The following GULP1 variants were observed in gnomAD, a reference collection of about 807,000 sequenced individuals.
GULP1 encodes the protein GULP PTB domain containing engulfment adaptor 1.
GULP1 carries 19 observed loss-of-function variants against 40.9 expected under a neutral mutation model. The ratio of observed to expected loss-of-function variants is 0.46; its 90% CI spans 0.32 to 0.68. The LOEUF is 0.68. Ranked by LOEUF, GULP1 falls within the 30% of genes least tolerant of loss-of-function variation. The pLI is 0.03. For synonymous variants in GULP1, 119 were observed against 117.6 expected, an observed-to-expected ratio of 1.01 and a Z score of -0.08; for missense variants, 312 against 362.2, an observed-to-expected ratio of 0.86 and a Z score of 1.12.
intron 2 of GULP1, among the ~76,000 whole-genome samples, chr2:188,463,570 C>G (rs371082317): frequency 5.9e-5 from 9 of 152,100 alleles, no homozygotes; most frequent in Non-Finnish European, 1.2e-4. Flanking sequence ...TTAGGAAGTT[C>G]GCTGTTATTA....
At chr2:188,569,854 T>G (rs549499365) in intron 8 of GULP1, among the ~76,000 whole-genome samples, 174 bp from the exon 9 acceptor site, 1 of 152,306 alleles carries the variant, frequency 6.6e-6, no homozygotes, top group East Asian at 1.9e-4. Flanking sequence ...AATTTAAGTC[T>G]TTCAATGATC....
chr2:188,301,212 C>T (rs2036076842), intron 1 of GULP1, among the ~76,000 whole-genome samples: 1 of 152,072 alleles, frequency 6.6e-6, no homozygotes, highest in Admixed American at 6.6e-5. Context: ...CTTCTAGAGA[C>T]AGGTTCTCAC....
chr2:188,342,937 A>G (rs765117051), intron 1 of GULP1, among the ~76,000 whole-genome samples: 2 of 152,196 alleles, frequency 1.3e-5, no homozygotes, highest in African/African-American at 2.4e-5. Flanking sequence ...TTTCAGTCCT[A>G]AAACAGTTAC....
chr2:188,377,597 A>C (rs980356578), intron 1 of GULP1, among the ~76,000 whole-genome samples: 2 of 152,190 alleles, frequency 1.3e-5, no homozygotes, highest in East Asian at 3.9e-4. Context: ...TTATCACTTC[A>C]TTGGCTCAGA....
intron 9 of GULP1, among the ~76,000 whole-genome samples, chr2:188,572,279 CATT>C (rs1458006807): frequency 6.6e-6 from 1 of 152,084 alleles, no homozygotes; most frequent in East Asian, 1.9e-4. Flanking sequence ...TAGCAATTCT[CATT>C]AGTAGAGCCA....
chr2:188,500,654 T>C (rs2063343978), intron 4 of GULP1, among the ~76,000 whole-genome samples: 1 of 151,948 alleles, frequency 6.6e-6, no homozygotes. Flanking sequence ...TAAGCTGTTC[T>C]TGAACATGTT....
At chr2:188,423,747 A>G (rs2055776195) in intron 2 of GULP1, among the ~76,000 whole-genome samples, 1 of 151,892 alleles carries the variant, frequency 6.6e-6, no homozygotes. Flanking sequence ...ATAAATGTTC[A>G]TGATTAGTTA....
intron 11 of GULP1, chr2:188,592,005 A>C: frequency 6.6e-6 from 1 of 151,958 alleles, no homozygotes; most frequent in Admixed American, 6.6e-5. Context: ...CTGAGGAAGA[A>C]AGAAAATCAA....
chr2:188,415,756 C>CA (rs1404208344), intron 2 of GULP1, among the ~76,000 whole-genome samples: 2 of 152,218 alleles, frequency 1.3e-5, no homozygotes, highest in Non-Finnish European at 2.9e-5. Context: ...CCTGAAAACA[C>CA]ATACTAATTG....
chr2:188,426,370 G>A (rs190695628), intron 2 of GULP1, among the ~76,000 whole-genome samples: 210 of 152,238 alleles, frequency 1.4e-3, no homozygotes, highest in African/African-American at 4.8e-3. Flanking sequence ...AGGCTTCAGA[G>A]AGAATAGATG....
intron 1 of GULP1, among the ~76,000 whole-genome samples, chr2:188,309,109 A>T (rs1266805982): frequency 6.6e-6 from 1 of 152,130 alleles, no homozygotes; most frequent in Non-Finnish European, 1.5e-5. Flanking sequence ...GTTTGAATCC[A>T]ATGGCATTTT....
intron 2 of GULP1, among the ~76,000 whole-genome samples, chr2:188,398,919 G>T (rs998477402): frequency 1.3e-5 from 2 of 152,166 alleles, no homozygotes; most frequent in African/African-American, 4.8e-5. Context: ...TGAAAAAATG[G>T]AAGTGGCTAT....
intron 7 of GULP1, chr2:188,541,734 C>A: frequency 4.0e-6 from 1 of 251,206 alleles, no homozygotes; most frequent in Non-Finnish European, 7.5e-6. Context: ...AATAAATATT[C>A]TTAACTCCAG....
intron 4 of GULP1, among the ~76,000 whole-genome samples, chr2:188,513,498 G>A (rs1037557717): frequency 2.6e-5 from 4 of 152,002 alleles, no homozygotes; most frequent in Non-Finnish European, 4.4e-5. Flanking sequence ...GTCATTGGCC[G>A]ATCACTTTTA....
At chr2:188,572,176 G>A (rs1013054233) in intron 9 of GULP1, among the ~76,000 whole-genome samples, 3 of 152,142 alleles carry the variant, frequency 2.0e-5, no homozygotes, top group Non-Finnish European at 4.4e-5. Context: ...CAGTGTCTTT[G>A]ACCATTTGGC....
intron 1 of GULP1, among the ~76,000 whole-genome samples, chr2:188,331,102 C>G (rs566817593): frequency 2.6e-5 from 4 of 152,324 alleles, no homozygotes; most frequent in African/African-American, 9.6e-5. Context: ...TCACAACCAT[C>G]TTCCCAGGTA....
intron 7 of GULP1, among the ~76,000 whole-genome samples, chr2:188,555,969 A>T (rs1472997798): frequency 6.6e-6 from 1 of 151,950 alleles, no homozygotes; most frequent in Admixed American, 6.6e-5. Flanking sequence ...GAGGCAGAAG[A>T]ATTGCTTGAA....
intron 2 of GULP1, among the ~76,000 whole-genome samples, chr2:188,475,424 A>G (rs1178691722): frequency 1.3e-5 from 2 of 151,906 alleles, no homozygotes; most frequent in Non-Finnish European, 2.9e-5. Context: ...TGTTCCATTT[A>G]TATGCCCCCA....
chr2:188,448,739 T>C (rs2058600845), intron 2 of GULP1, among the ~76,000 whole-genome samples: 2 of 152,194 alleles, frequency 1.3e-5, no homozygotes, highest in Non-Finnish European at 1.5e-5. Flanking sequence ...GAGGCCTGAG[T>C]TCTCATGAGA....
Sources: allele counts gnomAD v4.1 joint callset (sites outside exome capture counted in the v4.1 genomes callset), GRCh38; gene constraint gnomAD v4.1.1; transcripts MANE v1.5; gene names NCBI Gene and HGNC (gene_info 2026-07-23, HGNC 2026-07-21).